CD276: variants seen among roughly 807,000 people sequenced by gnomAD.
CD276 encodes CD276 molecule.
Under a neutral mutation model 50.0 loss-of-function variants are expected in CD276, and 34 were observed. The observed-to-expected ratio is 0.68, with a 90% CI of 0.52 to 0.91. The LOEUF (loss-of-function observed/expected upper bound fraction) is 0.91, where lower values mean the gene tolerates loss of function less well. Among genes scored for constraint, CD276 ranks in the 40% least tolerant of loss-of-function variants. The probability of loss-of-function intolerance (pLI) is 0.00; values close to 1 mark genes in which losing one functional copy is unlikely to be tolerated. For missense variants in CD276, 634 were observed against 717.5 expected (o/e 0.88, Z 1.33); for synonymous variants, 275 against 313.0 (o/e 0.88, Z 1.28).
chr15:73,714,176 G>C lies in CD276; in HGVS notation c.*1220G>C, dbSNP rs1383912689. 3.9e-6 allele frequency: 1 copy of C among 256,526 alleles called. No homozygotes were observed. The highest frequency in any genetic ancestry group is 1.8e-4 in the East Asian group (1 of 5,652). 15.9% of individuals were successfully genotyped at this position (256,526 alleles called of 1,614,324 possible). ...CAAAATGTCTGTCCAGGTGTGGGCA[G>C]GTGGGCAGGCACCAAGGCCCTCTGG... On this transcript the variant is annotated 3_prime_UTR_variant, in exon 10 of 10. Transcript: ENST00000318443.
chr15:73,703,607 C>T, intron 4 of CD276, 52 bp from the exon 5 acceptor site: 1 of 1,425,630 alleles, frequency 7.0e-7, no homozygotes, highest in South Asian at 1.3e-5. Context: ...GGGTGGTAGC[C>T]TAGAGAGTCC....
chr15:73,706,476 ACTC>A (rs10605169), intron 6 of CD276, among the ~76,000 whole-genome samples: 54,475 of 151,474 alleles, frequency 0.36, 10,894 homozygotes, highest in Non-Finnish European at 0.45. Flanking sequence ...GCCTCTCTAA[ACTC>A]CTCCGTGGGT....
Position 73,699,645 on chromosome 15 carries a change from G to T in CD276, c.6G>T (p.Leu2=). 2 of 1,613,794 alleles carry T rather than the reference G, an allele frequency of 1.2e-6. No homozygotes were observed. The highest frequency in any genetic ancestry group is 1.7e-6 in the Non-Finnish European group (2 of 1,179,934). ...GTCAGCCGCCTCACAGGAAGATGCTGCGTCGGCGGGGCAGCCCTGGCATGG... is the reference window on the plus strand; with the variant it reads ...GTCAGCCGCCTCACAGGAAGATGCTTCGTCGGCGGGGCAGCCCTGGCATGG... M[L]RRRGSPGMGV... Residue 2 remains leucine, a synonymous_variant, in exon 2 of 10, where the codon CTG becomes CTT. Transcript: ENST00000318443.
chr15:73,706,486 G>A (rs1475496484), intron 6 of CD276, among the ~76,000 whole-genome samples: 1 of 151,850 alleles, frequency 6.6e-6, no homozygotes, highest in East Asian at 1.9e-4. Context: ...ACTCCTCCGT[G>A]GGTCTGTAGA....
chr15:73,685,687 A>C (rs1899731206), intron 1 of CD276, among the ~76,000 whole-genome samples: 2 of 152,152 alleles, frequency 1.3e-5, no homozygotes, highest in South Asian at 4.1e-4. Flanking sequence ...TTCTTTATTT[A>C]GTGCGGCCTC....
At position 73,708,410 on chromosome 15, in the gene CD276, C is replaced by T. The variant is rs371940763; in HGVS notation, c.1441C>T (p.Leu481=). Residue 481 remains leucine, a synonymous_variant, in exon 7 of 10, where the codon CTG becomes TTG. Transcript: ENST00000318443. The part of the protein sequence containing the change: ...VGLSVCLIAL[L]VALAFVCWRK... Reference sequence around the variant, plus strand: ...GCTGTCTGTCTGTCTCATTGCACTGCTGGTGGCCCTGGCTTTCGTGTGCTG... The same window carrying T: ...GCTGTCTGTCTGTCTCATTGCACTGTTGGTGGCCCTGGCTTTCGTGTGCTG... The T allele has an allele frequency of 1.2e-6, 2 of 1,614,178 alleles. No individual in the cohort carries two copies. Among genetic ancestry groups the T allele is most frequent in the Non-Finnish European group, 1.7e-6 (2 of 1,180,028 alleles).
chr15:73,694,147 C>G (rs530740111), intron 1 of CD276, among the ~76,000 whole-genome samples: 7 of 152,264 alleles, frequency 4.6e-5, no homozygotes, highest in Non-Finnish European at 1.0e-4. Flanking sequence ...GATCTTCCCC[C>G]TCCACGTGCT....
chr15:73,699,774 G>C, intron 2 of CD276, 56 bp downstream of exon 2: 1 of 1,527,296 alleles, frequency 6.5e-7, no homozygotes, highest in Non-Finnish European at 8.8e-7. Context: ...GGCAGTTGGG[G>C]AGGGGGTGCC....
chr15:73,704,185 C>T lies in CD276; in HGVS notation c.1082C>T (p.Ser361Leu), dbSNP rs765772947. 8.7e-6 allele frequency: 14 copies of T among 1,611,932 alleles called. No individual in the cohort carries two copies. Among genetic ancestry groups the T allele is most frequent in the South Asian group, 3.3e-5 (3 of 90,668 alleles). ...AVSLQVAAPYSKPSMTLEPNK... is the reference protein window; with the variant it reads ...AVSLQVAAPYLKPSMTLEPNK... ...CCTCTGTCACCTCCAGCTCCCTACT[C>T]GAAGCCCAGCATGACCCTGGAGCCC... is the stretch of plus-strand genomic sequence containing the variant. The change falls in exon 6 of 10, where the codon TCG becomes TTG. Residue 361 changes from serine (S) to leucine (L), a missense_variant. Transcript: ENST00000318443. The surrounding 1 kb of genome is among the most constrained non-coding windows in gnomAD (Gnocchi z 4.1).
chr15:73,689,943 G>T (rs1899925131), intron 1 of CD276, among the ~76,000 whole-genome samples: 1 of 152,174 alleles, frequency 6.6e-6, no homozygotes, highest in Non-Finnish European at 1.5e-5. Context: ...TAAAGTCCAG[G>T]ATATCTCTGT....
At position 73,709,699 on chromosome 15, in the gene CD276, A is replaced by G; in HGVS notation, c.1546+10A>G. Reference sequence around the variant, plus strand: ...GAAGGCTCCAAGACAGGTGAGTCTGAACTTGGAGCTGGCCCTCTTGGCTGG... The same window carrying G: ...GAAGGCTCCAAGACAGGTGAGTCTGGACTTGGAGCTGGCCCTCTTGGCTGG... On this transcript the variant is annotated intron_variant, in intron 8 of 9. Coordinates refer to ENST00000318443, the MANE Select transcript of CD276 (RefSeq NM_001024736.2). 1 of 1,610,516 alleles carries G rather than the reference A, an allele frequency of 6.2e-7. No homozygotes were observed. The highest frequency in any genetic ancestry group is 1.7e-5 in the Admixed American group (1 of 59,038).
At chr15:73,696,528 C>T (rs1286539345) in intron 1 of CD276, among the ~76,000 whole-genome samples, 1 of 152,174 alleles carries the variant, frequency 6.6e-6, no homozygotes, top group Non-Finnish European at 1.5e-5. Flanking sequence ...GGGCAGGTTT[C>T]CAGGATCCAG....
chr15:73,695,597 A>T (rs1283059805), intron 1 of CD276, among the ~76,000 whole-genome samples: 1 of 152,090 alleles, frequency 6.6e-6, no homozygotes, highest in African/African-American at 2.4e-5. Flanking sequence ...CCTACCAGGA[A>T]CTCCGTAAGT....
chr15:73,688,087 C>T (rs150735280), intron 1 of CD276, among the ~76,000 whole-genome samples: 23 of 152,192 alleles, frequency 1.5e-4, no homozygotes, highest in Non-Finnish European at 2.1e-4. Context: ...GAGATGGAGT[C>T]GAGTTGTGCA....
rs1018804289 is a variant in CD276 at position 73,713,295 on chromosome 15, C to T, written c.*339C>T. On this transcript the variant is annotated 3_prime_UTR_variant, in exon 10 of 10. Transcript: ENST00000318443. The stretch of plus-strand genomic sequence containing the variant: ...TCACCACCCTCTTCTTCCAGTGCTG[C>T]GTGGACCATCTGGCTGCCTTTTTTC... 21 of 337,704 alleles carry T rather than the reference C, an allele frequency of 6.2e-5. No homozygotes were observed. Among genetic ancestry groups the T allele is most frequent in the African/African-American group, 3.9e-4 (18 of 45,602 alleles). 20.9% of individuals were successfully genotyped at this position (337,704 alleles called of 1,614,324 possible). A position where few individuals can be genotyped will look rare whatever the true frequency, so the allele number is the denominator to read the frequency against.
intron 8 of CD276, among the ~76,000 whole-genome samples, chr15:73,710,482 G>A (rs1284052575): frequency 6.6e-6 from 1 of 152,222 alleles, no homozygotes; most frequent in Non-Finnish European, 1.5e-5. Context: ...CCGACTCCCA[G>A]GGGATCCTGG....
At chr15:73,707,767 T>C (rs1900704877) in intron 6 of CD276, among the ~76,000 whole-genome samples, 1 of 152,190 alleles carries the variant, frequency 6.6e-6, no homozygotes, top group Non-Finnish European at 1.5e-5. Flanking sequence ...CTTTGGCCCA[T>C]GGGCTGTAGT....
Position 73,704,101 on chromosome 15 carries a change from T to C in CD276, c.1073-75T>C. ...CTCCCAGAACCCCAGTGCTGATTCC[T>C]GTACTCAGCCCCATGCATCCTTTTC... is the stretch of plus-strand genomic sequence containing the variant. On this transcript the variant is annotated intron_variant, in intron 5 of 9. Coordinates refer to ENST00000318443, the MANE Select transcript of CD276 (RefSeq NM_001024736.2). The surrounding 1 kb of genome is among the most constrained non-coding windows in gnomAD (Gnocchi z 4.1). 1 of 1,567,368 alleles carries C rather than the reference T, an allele frequency of 6.4e-7. No homozygotes were observed. Among genetic ancestry groups the C allele is most frequent in the Non-Finnish European group, 8.7e-7 (1 of 1,155,364 alleles).
intron 1 of CD276, chr15:73,690,745 A>G (rs747959845): frequency 2.2e-6 from 1 of 455,900 alleles, no homozygotes; most frequent in South Asian, 1.5e-5. Context: ...TCATCTAGGA[A>G]GAAGAAACTG....
Sources: allele counts gnomAD v4.1 joint callset (sites outside exome capture counted in the v4.1 genomes callset), GRCh38; gene constraint gnomAD v4.1.1; non-coding constraint Gnocchi (gnomAD v3.1); transcripts MANE v1.5; gene names NCBI Gene and HGNC (gene_info 2026-07-23, HGNC 2026-07-21).